The following TEKT2 variants were observed in gnomAD, a reference collection of about 807,000 sequenced individuals.
TEKT2 encodes tektin-2.
Under a neutral mutation model 49.8 loss-of-function variants are expected in TEKT2, and 45 were observed. The observed-to-expected ratio is 0.90, with a 90% CI of 0.71 to 1.16. TEKT2 has a LOEUF of 1.16. TEKT2 is among the 50% of genes most tolerant of loss of function. TEKT2 has a pLI of 0.00. For synonymous variants in TEKT2, 202 were observed against 224.6 expected (o/e 0.90, Z 0.90); for missense variants, 523 against 551.4 (o/e 0.95, Z 0.52).
intron 5 of TEKT2, 28 bp from the exon 6 acceptor site, chr1:36,086,903 T>A: frequency 1.2e-6 from 2 of 1,613,968 alleles, no homozygotes; most frequent in African/African-American, 1.3e-5. Flanking sequence ...CACACCCTCA[T>A]GACCCCCATT....
In TEKT2 at chr1:36,084,904, C is replaced by T. The variant is rs750629569; in HGVS notation, c.-18C>T. On this transcript the variant is annotated 5_prime_UTR_variant, in exon 2 of 10. Transcript: ENST00000207457. This position sits in a 1 kb window ranked among gnomAD's most constrained non-coding sequence, Gnocchi z 4.1. ...GTGAACAGGCCTAGGGGTTTCTGACCCTTCTGGTTTCTGTGCCATGGCCAC... is the reference window on the plus strand; with the variant it reads ...GTGAACAGGCCTAGGGGTTTCTGACTCTTCTGGTTTCTGTGCCATGGCCAC... 3.2e-5 allele frequency: 52 copies of T among 1,613,162 alleles called. No homozygotes were observed. Among genetic ancestry groups the T allele is most frequent in the Non-Finnish European group, 4.2e-5 (49 of 1,180,048 alleles).
In TEKT2 at chr1:36,087,030, TCTAA is replaced by T. The variant is rs765449365; in HGVS notation, c.736_739del (p.Thr246LeufsTer63). On this transcript the variant is annotated frameshift_variant, in exon 6 of 10. Transcript: ENST00000207457. LOFTEE classifies it high-confidence loss of function. This position sits in a 1 kb window ranked among gnomAD's most constrained non-coding sequence, Gnocchi z 4.9. ...CCACAGAGCTGAGGGAGGCCACTGC[TCTAA>T]CTATTGCTGAGGTGACAGGCCACCC... 165 of 1,613,990 alleles carry T rather than the reference TCTAA, an allele frequency of 1.0e-4. No individual in the cohort carries two copies. The highest frequency in any genetic ancestry group is 2.2e-4 in the Admixed American group (13 of 60,016).
At chr1:36,085,126 C>G in intron 2 of TEKT2, 37 bp from the exon 3 acceptor site, 1 of 1,614,230 alleles carries the variant, frequency 6.2e-7, no homozygotes, top group Non-Finnish European at 8.5e-7. Context: ...GCCCCCAACC[C>G]CTTGACACCC....
At chr1:36,085,577 T>C (rs950197986) in intron 3 of TEKT2, 4 of 552,058 alleles carry the variant, frequency 7.2e-6, no homozygotes, top group African/African-American at 6.0e-5. Flanking sequence ...TGCAGTGGTG[T>C]GATCGTGGCT....
rs779374541 is a variant in TEKT2, at chr1:36,085,870, A to G, written c.317A>G (p.Lys106Arg). Reference protein sequence around the residue: ...KESAEQNLQAKNLPLDVAIEC... With the variant: ...KESAEQNLQARNLPLDVAIEC... ...TCAGCAGAGCAAAACCTGCAGGCCA[A>G]GAACCTGCCTCTGGATGTGGCCATT... Residue 106 changes from lysine (K) to arginine (R), a missense_variant, in exon 4 of 10, where the codon AAG (lysine) becomes AGG (arginine). Physicochemically the swap from Lys to Arg is conservative, Grantham distance 26. Transcript: ENST00000207457. 1 of 1,613,898 alleles carries G rather than the reference A, an allele frequency of 6.2e-7. No individual in the cohort carries two copies. The highest frequency in any genetic ancestry group is 8.5e-7 in the Non-Finnish European group (1 of 1,180,014).
In TEKT2 at chr1:36,088,116, T is replaced by TG. The variant is rs1220339043; in HGVS notation, c.1225dup (p.Asp409GlyfsTer9). ...CCTGCTGAGAGGTTCGTGCCTGAGG[T>TG]GGACACCTTCACACGTACCACAAAT... On this transcript the variant is annotated frameshift_variant, in exon 10 of 10. Coordinates refer to ENST00000207457, the MANE Select transcript of TEKT2 (RefSeq NM_014466.3). LOFTEE classifies it high-confidence loss of function. The TG allele has an allele frequency of 6.2e-7, 1 of 1,612,486 alleles. No individual in the cohort carries two copies. Among genetic ancestry groups the TG allele is most frequent in the Non-Finnish European group, 8.5e-7 (1 of 1,179,920 alleles).
chr1:36,087,718 C>G lies in TEKT2; in HGVS notation c.1000-10C>G, dbSNP rs768447910. ...GGCTGACTTGGAACTCCCAACCCCT[C>G]TGCCTCCAGGCACAGTACGGCCTCA... On this transcript the variant is annotated splice_polypyrimidine_tract_variant and intron_variant, in intron 8 of 9. Coordinates refer to ENST00000207457, the MANE Select transcript of TEKT2 (RefSeq NM_014466.3). This position sits in a 1 kb window ranked among gnomAD's most constrained non-coding sequence, Gnocchi z 4.9. 1.9e-5 allele frequency: 30 copies of G among 1,613,432 alleles called. No individual in the cohort carries two copies. The highest frequency in any genetic ancestry group is 2.5e-5 in the Non-Finnish European group (30 of 1,179,846).
At chr1:36,085,488 T>TTTTTTC (rs1643355280) in intron 3 of TEKT2, among the ~76,000 whole-genome samples, 200 bp downstream of exon 3, 1 of 151,496 alleles carries the variant, frequency 6.6e-6, no homozygotes, top group Admixed American at 6.6e-5. Context: ...TCTTTTCTTT[T>TTTTTTC]TTTTTCTTTC....
rs1462830380 is a variant in TEKT2 at position 36,087,733 on chromosome 1, G to C, written c.1005G>C (p.Gln335His). 2.5e-6 allele frequency: 4 copies of C among 1,613,542 alleles called. No homozygotes were observed. The African/African-American group carries it at 5.3e-5, about 22-fold the overall frequency. Residue 335 changes from glutamine to histidine, a missense_variant, in exon 9 of 10, where the codon CAG becomes CAC. Physicochemically the swap from Gln to His is conservative, Grantham distance 24. Coordinates refer to ENST00000207457, the MANE Select transcript of TEKT2 (RefSeq NM_014466.3). The surrounding 1 kb of genome is among the most constrained non-coding windows in gnomAD (Gnocchi z 4.9). ...CCCAACCCCTCTGCCTCCAGGCACAGTACGGCCTCACCGACGAGGTTCACC... is the reference window on the plus strand; with the variant it reads ...CCCAACCCCTCTGCCTCCAGGCACACTACGGCCTCACCGACGAGGTTCACC... ...PNVELCRDQA[Q>H]YGLTDEVHQL... is the part of the protein sequence containing the mutation.
Position 36,085,787 on chromosome 1 carries a change from T to C in TEKT2, c.283-49T>C, listed in dbSNP as rs1258246830. 2.5e-6 allele frequency: 4 copies of C among 1,579,586 alleles called. No individual in the cohort carries two copies. In the Admixed American group the frequency reaches 5.3e-5, roughly 21 times the overall value. ...CATCCAACTCGGCCTCCCGAAGTGC[T>C]GGGATTACAGATGTGAGCCACCGTG... On this transcript the variant is annotated intron_variant, in intron 3 of 9. Transcript: ENST00000207457.
rs375425498 is a variant in TEKT2 at position 36,087,316 on chromosome 1, G to A, written c.855+5G>A. ...CTCAAGTGGCAAGAGAAGAATGTGA[G>A]CATCTCCAGGGGCCTGGACTTCCTG... is the stretch of plus-strand genomic sequence containing the variant. On this transcript the variant is annotated splice_donor_5th_base_variant and intron_variant, in intron 7 of 9. Coordinates refer to ENST00000207457, the MANE Select transcript of TEKT2 (RefSeq NM_014466.3). This position sits in a 1 kb window ranked among gnomAD's most constrained non-coding sequence, Gnocchi z 4.9. The A allele has an allele frequency of 8.6e-5, 138 of 1,613,920 alleles. No homozygotes were observed. The highest frequency in any genetic ancestry group is 1.6e-4 in the Middle Eastern group (1 of 6,084).
rs1034722368 is a variant in TEKT2 at position 36,088,009 on chromosome 1, G to A, written c.1116G>A (p.Arg372=). 2 of 1,611,916 alleles carry A rather than the reference G, an allele frequency of 1.2e-6. No individual in the cohort carries two copies. The part of the protein sequence containing the change: ...ALDALCKHLA[R]LQADIACKAN... ...ACGCCCTGTGCAAGCACCTGGCCCG[G>A]CTGCAGGCTGACATTGCCTGCAAGG... Residue 372 remains arginine, a synonymous_variant, in exon 10 of 10, where the codon CGG becomes CGA. Transcript: ENST00000207457.
chr1:36,088,184 T>C lies in TEKT2; in HGVS notation c.1291T>C (p.Ter431GlnextTer?). 1 of 1,610,776 alleles carries C rather than the reference T, an allele frequency of 6.2e-7. No homozygotes were observed. Among genetic ancestry groups the C allele is most frequent in the Non-Finnish European group, 8.5e-7 (1 of 1,178,572 alleles). ...CAAAAGCTGCCAGCTGGAGCTGGCC[T>C]AGCCTTGGAGGACTGCAGGAGGAGG... Reference protein sequence around the residue: ...PLKSCQLELA* With the variant: ...PLKSCQLELAQ Residue 431 changes from the stop codon to glutamine (Q), a stop_lost, in exon 10 of 10, where the codon TAG becomes CAG. Coordinates refer to ENST00000207457, the MANE Select transcript of TEKT2 (RefSeq NM_014466.3).
chr1:36,085,922 G>C lies in TEKT2; in HGVS notation c.369G>C (p.Arg123=), dbSNP rs1248146723. The change falls in exon 4 of 10, where the codon CGG becomes CGC. Residue 123 remains arginine, a synonymous_variant. Transcript: ENST00000207457. ...AGTGCCTGACCCTGCGGGAAAGCCG[G>C]CGAGACATTGATGTGGTGAAGGACC... is the stretch of plus-strand genomic sequence containing the variant. ...AIECLTLRES[R]RDIDVVKDPV... 2 of 1,613,974 alleles carry C rather than the reference G, an allele frequency of 1.2e-6. No homozygotes were observed. The highest frequency in any genetic ancestry group is 3.3e-5 in the Admixed American group (2 of 59,982).
rs1643408353 is a variant in TEKT2, at chr1:36,087,779, G to A, written c.1051G>A (p.Ala351Thr). The change falls in exon 9 of 10, where the codon GCC becomes ACC. Residue 351 changes from alanine to threonine, a missense_variant. Coordinates refer to ENST00000207457, the MANE Select transcript of TEKT2 (RefSeq NM_014466.3). This position sits in a 1 kb window ranked among gnomAD's most constrained non-coding sequence, Gnocchi z 4.9. The stretch of plus-strand genomic sequence containing the variant: ...TCACCAGCTAGAGGCAACCATCGCT[G>A]CCCTGAAGCAGAAGCTGGCGCAAGC... ...EVHQLEATIA[A>T]LKQKLAQAQD... 1.9e-6 allele frequency: 3 copies of A among 1,613,696 alleles called. No individual in the cohort carries two copies. The South Asian group carries it at 3.3e-5, about 18-fold the overall frequency.
In TEKT2 at chr1:36,088,147, C is replaced by T. The variant is rs771309583; in HGVS notation, c.1254C>T (p.Thr418=). The part of the protein sequence containing the change: ...VDTFTRTTNS[T]LSPLKSCQLE... ...CCTTCACACGTACCACAAATAGCAC[C>T]CTGAGTCCACTCAAAAGCTGCCAGC... The change falls in exon 10 of 10, where the codon ACC becomes ACT. Residue 418 remains threonine, a synonymous_variant. Transcript: ENST00000207457. The T allele has an allele frequency of 7.4e-6, 12 of 1,613,008 alleles. No individual in the cohort carries two copies. The South Asian group carries it at 1.2e-4, about 16-fold the overall frequency.
rs367655711 is a variant in TEKT2 at position 36,088,052 on chromosome 1, G to T, written c.1159G>T (p.Asp387Tyr). 1.2e-6 allele frequency: 2 copies of T among 1,612,922 alleles called. No individual in the cohort carries two copies. Among genetic ancestry groups the T allele is most frequent in the African/African-American group, 2.7e-5 (2 of 75,046 alleles). ...CTGCAAGGCCAACTCCATGCTGCTG[G>T]ACACCAAGTGCATGGACACACGGCG... ...IACKANSMLL[D>Y]TKCMDTRRKL... Residue 387 changes from aspartate (D) to tyrosine (Y), a missense_variant, in exon 10 of 10, where the codon GAC becomes TAC. Transcript: ENST00000207457.
At chr1:36,086,213 G>A (rs1299572345) in intron 4 of TEKT2, among the ~76,000 whole-genome samples, 172 bp downstream of exon 4, 1 of 152,164 alleles carries the variant, frequency 6.6e-6, no homozygotes, top group Non-Finnish European at 1.5e-5. Flanking sequence ...CCCACTGCCT[G>A]GACATGGGCT....
chr1:36,087,822 T>C lies in TEKT2; in HGVS notation c.1079+15T>C. On this transcript the variant is annotated intron_variant, in intron 9 of 9. Transcript: ENST00000207457. This position sits in a 1 kb window ranked among gnomAD's most constrained non-coding sequence, Gnocchi z 4.9. ...GCGCAAGCACAGTAGGTCTCGGGAGTGGGCGGAAGGAGCAGTGAGACGCTG... is the reference window on the plus strand; with the variant it reads ...GCGCAAGCACAGTAGGTCTCGGGAGCGGGCGGAAGGAGCAGTGAGACGCTG... The C allele has an allele frequency of 1.2e-6, 2 of 1,612,836 alleles. No homozygotes were observed. The highest frequency in any genetic ancestry group is 1.7e-6 in the Non-Finnish European group (2 of 1,179,754).
Sources: gnomAD v4.1 joint callset for allele counts (sites outside exome capture counted in the v4.1 genomes callset) on GRCh38, gnomAD v4.1.1 for gene constraint, Gnocchi (gnomAD v3.1) non-coding constraint, MANE v1.5 for transcripts, NCBI Gene and HGNC (gene_info 2026-07-23, HGNC 2026-07-21) for gene names.